SLC39A11: variants seen among roughly 807,000 people sequenced by gnomAD.
SLC39A11 encodes the protein zinc transporter ZIP11.
In SLC39A11, 33 loss-of-function variants were observed where a neutral mutation model predicts 36.1. The ratio of observed to expected loss-of-function variants is 0.91; its 90% CI spans 0.69 to 1.22. The LOEUF (loss-of-function observed/expected upper bound fraction) is 1.22, where lower values mean the gene tolerates loss of function less well. SLC39A11 is among the 50% of genes most tolerant of loss of function. The probability of loss-of-function intolerance (pLI) is 0.00; values close to 1 mark genes in which losing one functional copy is unlikely to be tolerated. For missense variants in SLC39A11, 432 were observed against 430.3 expected (o/e 1.00, Z -0.03); for synonymous variants, 166 against 170.3 (o/e 0.97, Z 0.20).
At chr17:72,849,833 G>A (rs758085667) in intron 5 of SLC39A11, 29 bp from the exon 6 acceptor site, 11 of 1,507,050 alleles carry the variant, frequency 7.3e-6, no homozygotes, top group Non-Finnish European at 9.7e-6. Context: ...AAAGAGAGAT[G>A]GGGAAAGACA....
At chr17:72,881,493 T>C (rs1466885724) in intron 5 of SLC39A11, among the ~76,000 whole-genome samples, 2 of 152,228 alleles carry the variant, frequency 1.3e-5, no homozygotes, top group African/African-American at 2.4e-5. Context: ...TTTAAGTAAG[T>C]TTCTTTTCTG....
chr17:72,899,816 G>A (rs2082228077), intron 5 of SLC39A11, among the ~76,000 whole-genome samples: 1 of 152,064 alleles, frequency 6.6e-6, no homozygotes, highest in Non-Finnish European at 1.5e-5. Context: ...ACAAAAGTTA[G>A]CCGGGCGTGG....
intron 5 of SLC39A11, among the ~76,000 whole-genome samples, chr17:72,860,568 T>C (rs2079925143): frequency 6.6e-6 from 1 of 152,176 alleles, no homozygotes; most frequent in East Asian, 1.9e-4. Flanking sequence ...GTTGCTGGCA[T>C]GCTGGACAAA....
chr17:72,786,805 G>A (rs1418313579), intron 6 of SLC39A11, among the ~76,000 whole-genome samples: 1 of 151,968 alleles, frequency 6.6e-6, no homozygotes, highest in Non-Finnish European at 1.5e-5. Context: ...TAGGCAGAGA[G>A]GCAATCCCAT....
At chr17:72,783,458 G>A (rs2076394430) in intron 6 of SLC39A11, among the ~76,000 whole-genome samples, 1 of 152,208 alleles carries the variant, frequency 6.6e-6, no homozygotes, top group Admixed American at 6.5e-5. Flanking sequence ...CATGGAAATT[G>A]AGATTACAGC....
chr17:72,680,920 CAGTGGTG>C (rs2071484322), intron 7 of SLC39A11, among the ~76,000 whole-genome samples: 1 of 152,124 alleles, frequency 6.6e-6, no homozygotes, highest in African/African-American at 2.4e-5. Context: ...CTGCTGTGAA[CAGTGGTG>C]TACACGTTTT....
At chr17:72,852,501 C>T (rs1388510192) in intron 5 of SLC39A11, among the ~76,000 whole-genome samples, 1 of 152,152 alleles carries the variant, frequency 6.6e-6, no homozygotes, top group Non-Finnish European at 1.5e-5. Context: ...AGCAACTCCT[C>T]CCAGACAGTA....
chr17:72,933,504 C>A (rs1441585995), intron 5 of SLC39A11, among the ~76,000 whole-genome samples: 2 of 152,082 alleles, frequency 1.3e-5, no homozygotes, highest in Non-Finnish European at 2.9e-5. Flanking sequence ...TTCAGTGCAA[C>A]CCCAGTCAAA....
intron 7 of SLC39A11, among the ~76,000 whole-genome samples, chr17:72,688,537 G>A (rs1314220821): frequency 1.3e-5 from 2 of 152,208 alleles, no homozygotes; most frequent in Non-Finnish European, 2.9e-5. Context: ...AGTGGAGGAT[G>A]CAGTGGCTGC....
chr17:72,686,108 G>A (rs549674334), intron 7 of SLC39A11, among the ~76,000 whole-genome samples: 2 of 152,042 alleles, frequency 1.3e-5, no homozygotes, highest in East Asian at 3.9e-4. Context: ...TTGTCCCTAG[G>A]ACCAATCTGG....
intron 7 of SLC39A11, among the ~76,000 whole-genome samples, chr17:72,669,752 G>A (rs1598291123): frequency 6.6e-6 from 1 of 152,044 alleles, no homozygotes; most frequent in Non-Finnish European, 1.5e-5. Context: ...CTAATACTTT[G>A]AGAGACTGAG....
At chr17:72,775,812 G>A (rs960783780) in intron 6 of SLC39A11, among the ~76,000 whole-genome samples, 1 of 152,208 alleles carries the variant, frequency 6.6e-6, no homozygotes, top group African/African-American at 2.4e-5. Flanking sequence ...GAGCTGGGCT[G>A]GAAATTAGGG....
chr17:72,791,161 AG>A (rs2076688555), intron 6 of SLC39A11, among the ~76,000 whole-genome samples: 1 of 29,040 alleles, frequency 3.4e-5, no homozygotes, highest in Admixed American at 2.8e-4. Context: ...ATGCATGTTA[AG>A]TTTGAGAACC....
At chr17:72,804,636 C>T (rs2077195289) in intron 6 of SLC39A11, among the ~76,000 whole-genome samples, 1 of 152,170 alleles carries the variant, frequency 6.6e-6, no homozygotes, top group African/African-American at 2.4e-5. Flanking sequence ...TCAAGAAATC[C>T]GTTTCTGGTC....
chr17:72,967,948 G>A (rs2934226), intron 4 of SLC39A11, among the ~76,000 whole-genome samples: 42,531 of 151,948 alleles, frequency 0.28, 6,618 homozygotes, highest in East Asian at 0.62. Flanking sequence ...TTGTCTACAC[G>A]TGGAGAACTA....
intron 4 of SLC39A11, among the ~76,000 whole-genome samples, chr17:72,958,610 C>T (rs969715329): frequency 1.3e-5 from 2 of 152,124 alleles, no homozygotes; most frequent in African/African-American, 4.8e-5. Flanking sequence ...CAGCACTTTG[C>T]GAGGCCAAGG....
intron 6 of SLC39A11, among the ~76,000 whole-genome samples, chr17:72,785,893 C>T (rs2076497751): frequency 6.6e-6 from 1 of 152,082 alleles, no homozygotes; most frequent in Non-Finnish European, 1.5e-5. Flanking sequence ...TACCTCAGAC[C>T]AGGAAAATAT....
intron 3 of SLC39A11, among the ~76,000 whole-genome samples, chr17:73,044,640 G>A (rs759015204): frequency 8.5e-5 from 13 of 152,114 alleles, no homozygotes; most frequent in African/African-American, 1.2e-4. Context: ...TTGGGAGGCC[G>A]AGGCAGGTGG....
chr17:72,797,188 C>A (rs2076925233), intron 6 of SLC39A11, among the ~76,000 whole-genome samples: 1 of 152,068 alleles, frequency 6.6e-6, no homozygotes, highest in African/African-American at 2.4e-5. Flanking sequence ...AAGACTTGTG[C>A]ACAAATACCC....
Sources: gnomAD v4.1 joint callset for allele counts (sites outside exome capture counted in the v4.1 genomes callset) on GRCh38, gnomAD v4.1.1 for gene constraint, MANE v1.5 for transcripts, NCBI Gene and HGNC (gene_info 2026-07-23, HGNC 2026-07-21) for gene names.